The following SGSM1 variants were observed in gnomAD, a reference collection of about 807,000 sequenced individuals.
SGSM1 encodes RUN and TBC1 domain containing 2.
In SGSM1, 73 loss-of-function variants were observed where a neutral mutation model predicts 133.8. The observed-to-expected ratio is 0.55, with a 90% CI of 0.45 to 0.66. The LOEUF (loss-of-function observed/expected upper bound fraction) is 0.66, where lower values mean the gene tolerates loss of function less well. Among genes scored for constraint, SGSM1 ranks in the 30% least tolerant of loss-of-function variants. SGSM1 has a pLI of 0.00. For synonymous variants in SGSM1, 563 were observed against 573.0 expected (o/e 0.98, Z 0.25); for missense variants, 1,213 against 1,448.1 (o/e 0.84, Z 2.64).
At chr22:24,874,746 A>G (rs1177867385) in intron 12 of SGSM1, among the ~76,000 whole-genome samples, 1 of 152,200 alleles carries the variant, frequency 6.6e-6, no homozygotes, top group Non-Finnish European at 1.5e-5. Context: ...GGCAGCTTGC[A>G]GTGTTGTAGG....
intron 14 of SGSM1, 143 bp downstream of exon 14, chr22:24,879,669 A>G: frequency 6.1e-6 from 5 of 822,206 alleles, no homozygotes; most frequent in Non-Finnish European, 9.4e-6. Context: ...CAGTGACGTT[A>G]CATGAACTTC....
chr22:24,912,262 G>A (rs1284613801), intron 21 of SGSM1, among the ~76,000 whole-genome samples: 2 of 152,216 alleles, frequency 1.3e-5, no homozygotes, highest in East Asian at 1.9e-4. Context: ...TAATGTGTCC[G>A]TATTGGTTCA....
At chr22:24,823,867 G>A (rs191129369) in intron 2 of SGSM1, among the ~76,000 whole-genome samples, 20 of 152,164 alleles carry the variant, frequency 1.3e-4, no homozygotes, top group Admixed American at 1.2e-3. Context: ...CCATGATCGC[G>A]TCACTGTACT....
At chr22:24,874,453 G>A (rs756397016) in intron 12 of SGSM1, 2 of 1,613,504 alleles carry the variant, frequency 1.2e-6, no homozygotes, top group South Asian at 1.1e-5. Context: ...CTCCGTCTCT[G>A]TGGGCCCTGC....
Position 24,917,675 on chromosome 22 carries a change from G to C in SGSM1, c.2946G>C (p.Leu982=), listed in dbSNP as rs1933867377. Residue 982 remains leucine, a synonymous_variant, in exon 23 of 25, where the codon CTG becomes CTC. Coordinates refer to ENST00000400358, the MANE Select transcript of SGSM1 (RefSeq NM_001098497.3). ...CTTGACAGATCCTGGACTCAGAGCT[G>C]TTTGAGCTGATGCATCAGAACGGGG... is the stretch of plus-strand genomic sequence containing the variant. ...RSLIQILDSE[L]FELMHQNGDY... 1 of 1,613,744 alleles carries C rather than the reference G, an allele frequency of 6.2e-7. No homozygotes were observed. Among genetic ancestry groups the C allele is most frequent in the African/African-American group, 1.3e-5 (1 of 74,920 alleles).
In SGSM1 at chr22:24,842,103, G is replaced by T. The variant is rs576490714; in HGVS notation, c.64-2794G>T. 2.6e-4 allele frequency among the ~76,000 whole-genome samples: 39 copies of T among 152,338 alleles called. 1 individual carries two copies. Among genetic ancestry groups the T allele is most frequent in the African/African-American group, 9.4e-4 (39 of 41,570 alleles). Reference sequence around the variant, plus strand: ...TGCTACATTCCCAAATGTCATCAGGGTCTGGGTGCTTGGCAACTGCCTTCC... The same window carrying T: ...TGCTACATTCCCAAATGTCATCAGGTTCTGGGTGCTTGGCAACTGCCTTCC... On this transcript the variant is annotated intron_variant, in intron 2 of 24. Coordinates refer to ENST00000400358, the MANE Select transcript of SGSM1 (RefSeq NM_001098497.3).
chr22:24,817,161 G>A (rs917441431), intron 2 of SGSM1, among the ~76,000 whole-genome samples: 3 of 152,204 alleles, frequency 2.0e-5, no homozygotes, highest in African/African-American at 7.2e-5. Context: ...TTGGAGCTCA[G>A]CCTGTGATGC....
rs763152735 is a variant in SGSM1, at chr22:24,876,614, C to T, written c.1329C>T (p.Leu443=). Residue 443 remains leucine (L), a synonymous_variant, in exon 13 of 25, where the codon CTC becomes CTT. Transcript: ENST00000400358. ...QDLMDVSVSN[L]PSLWQPSPRK... is the part of the protein sequence containing the mutation. Reference sequence around the variant, plus strand: ...TGATGGACGTCTCTGTAAGCAACCTCCCATCCCTGTGGCAGCCCAGTCCCC... The same window carrying T: ...TGATGGACGTCTCTGTAAGCAACCTTCCATCCCTGTGGCAGCCCAGTCCCC... The T allele has an allele frequency of 1.2e-6, 2 of 1,614,032 alleles. No homozygotes were observed. The highest frequency in any genetic ancestry group is 2.2e-5 in the East Asian group (1 of 44,880).
intron 16 of SGSM1, among the ~76,000 whole-genome samples, chr22:24,888,938 C>CTTTTTT (rs1234715475): frequency 4.0e-4 from 32 of 79,950 alleles, no homozygotes; most frequent in African/African-American, 6.5e-4. Context: ...TCATAGTCAC[C>CTTTTTT]TTTTTTTTTT....
intron 2 of SGSM1, among the ~76,000 whole-genome samples, chr22:24,827,745 C>T (rs1465079959): frequency 2.0e-5 from 3 of 152,132 alleles, no homozygotes; most frequent in African/African-American, 7.2e-5. Flanking sequence ...TACCACCCAC[C>T]TCACTTAACA....
chr22:24,869,723 C>T (rs1017164512), intron 12 of SGSM1, among the ~76,000 whole-genome samples: 7 of 152,052 alleles, frequency 4.6e-5, no homozygotes, highest in South Asian at 2.1e-4. Context: ...AACTTTACAC[C>T]GGTAGAGGCG....
At chr22:24,826,723 G>T (rs1928820398) in intron 2 of SGSM1, among the ~76,000 whole-genome samples, 1 of 152,190 alleles carries the variant, frequency 6.6e-6, no homozygotes, top group South Asian at 2.1e-4. Flanking sequence ...GGTGATCAGG[G>T]AGGCTCTCTG....
intron 20 of SGSM1, 28 bp downstream of exon 20, chr22:24,901,985 G>C: frequency 2.7e-6 from 4 of 1,496,778 alleles, no homozygotes; most frequent in Non-Finnish European, 3.6e-6. Flanking sequence ...GGGGATCTAG[G>C]GGATGGGGAT....
chr22:24,862,749 T>C (rs1046668351), intron 9 of SGSM1, among the ~76,000 whole-genome samples: 1 of 152,224 alleles, frequency 6.6e-6, no homozygotes, highest in Non-Finnish European at 1.5e-5. Context: ...AGGAGATGGA[T>C]GGACATACGC....
chr22:24,853,489 A>T (rs537645861), intron 5 of SGSM1, among the ~76,000 whole-genome samples: 1 of 152,332 alleles, frequency 6.6e-6, no homozygotes, highest in East Asian at 1.9e-4. Context: ...ATGGTGTATT[A>T]GTTCGTTTTC....
intron 2 of SGSM1, among the ~76,000 whole-genome samples, chr22:24,810,302 A>G (rs1433810049): frequency 1.3e-5 from 2 of 151,000 alleles, no homozygotes; most frequent in African/African-American, 4.9e-5. Context: ...CTGCGAGAAC[A>G]CCCACCACGT....
At chr22:24,895,412 A>G in intron 18 of SGSM1, 121 bp downstream of exon 18, 5 of 992,104 alleles carry the variant, frequency 5.0e-6, no homozygotes, top group Non-Finnish European at 7.7e-6. Flanking sequence ...AGCTTTTTAT[A>G]TTAGCATTAA....
intron 16 of SGSM1, among the ~76,000 whole-genome samples, chr22:24,889,610 A>G (rs1210647639): frequency 2.0e-5 from 3 of 148,282 alleles, no homozygotes; most frequent in African/African-American, 7.5e-5. Context: ...AGGTTTCACC[A>G]TGTTGGATTA....
At chr22:24,918,818 G>A (rs1173494643) in intron 23 of SGSM1, among the ~76,000 whole-genome samples, 4 of 151,480 alleles carry the variant, frequency 2.6e-5, no homozygotes, top group South Asian at 2.1e-4. Context: ...TGCAACCTCC[G>A]CCTCCCAGGT....
Sources: allele counts gnomAD v4.1 joint callset (sites outside exome capture counted in the v4.1 genomes callset), GRCh38; gene constraint gnomAD v4.1.1; transcripts MANE v1.5; gene names NCBI Gene and HGNC (gene_info 2026-07-23, HGNC 2026-07-21).